DNAJC15: variants seen among roughly 807,000 people sequenced by gnomAD.
DNAJC15 encodes DnaJ heat shock protein family (Hsp40) member C15, also known as dnaJ homolog subfamily C member 15.
A neutral mutation model predicts 22.4 loss-of-function variants in DNAJC15; 27 were observed. That is an observed-to-expected ratio of 1.20 (90% confidence interval 0.89 to 1.66). DNAJC15 has a LOEUF of 1.66. DNAJC15 is among the 40% of genes most tolerant of loss of function. The probability of loss-of-function intolerance (pLI) is 0.00; values close to 1 mark genes in which losing one functional copy is unlikely to be tolerated. For missense variants in DNAJC15, 208 were observed against 187.1 expected, an observed-to-expected ratio of 1.11 and a Z score of -0.65; for synonymous variants, 79 against 63.2, an observed-to-expected ratio of 1.25 and a Z score of -1.19.
rs1158333637 is a variant in DNAJC15 at position 43,110,809 on chromosome 13, T to A, written c.*3561T>A. 1 of 152,202 alleles carries A rather than the reference T, an allele frequency of 6.6e-6. No individual in the cohort carries two copies. Among genetic ancestry groups the A allele is most frequent in the Non-Finnish European group, 1.5e-5 (1 of 68,034 alleles). The allele number at this position is 152,202 out of a possible 1,614,324, so 9.4% of individuals were successfully genotyped here. The stretch of plus-strand genomic sequence containing the variant: ...TCAGGAGTAATTATCTAAATGGCAG[T>A]AGGCTTATAAAACTGAATTTTCACC... On this transcript the variant is annotated 3_prime_UTR_variant, in exon 6 of 6. Transcript: ENST00000379221.
At chr13:43,084,727 G>A (rs1214102896) in intron 4 of DNAJC15, among the ~76,000 whole-genome samples, 1 of 152,046 alleles carries the variant, frequency 6.6e-6, no homozygotes, top group Non-Finnish European at 1.5e-5. Context: ...TTCCAATACT[G>A]GATACATTGG....
chr13:43,059,945 C>T (rs142522544), intron 1 of DNAJC15, among the ~76,000 whole-genome samples: 1 of 152,256 alleles, frequency 6.6e-6, no homozygotes, highest in East Asian at 1.9e-4. Flanking sequence ...GTACACTGAT[C>T]AGTTAGGGTG....
intron 5 of DNAJC15, among the ~76,000 whole-genome samples, chr13:43,104,397 G>A (rs773281797): frequency 1.1e-4 from 17 of 152,132 alleles, no homozygotes; most frequent in Non-Finnish European, 2.1e-4. Flanking sequence ...CAGGATCTTG[G>A]CCCTCAAGAC....
chr13:43,101,511 A>T (rs776959083), intron 5 of DNAJC15, among the ~76,000 whole-genome samples: 12 of 152,174 alleles, frequency 7.9e-5, no homozygotes, highest in Admixed American at 1.3e-4. Context: ...TGGTGCACTC[A>T]TCACCCAAGC....
In DNAJC15 at chr13:43,107,807, A is replaced by G. The variant is rs920678909; in HGVS notation, c.*559A>G. 1.3e-5 allele frequency: 2 copies of G among 152,226 alleles called. No homozygotes were observed. Among genetic ancestry groups the G allele is most frequent in the African/African-American group, 2.4e-5 (1 of 41,464 alleles). The allele number at this position is 152,226 out of a possible 1,614,324, so 9.4% of individuals were successfully genotyped here. A position where few individuals can be genotyped will look rare whatever the true frequency, so the allele number is the denominator to read the frequency against. On this transcript the variant is annotated 3_prime_UTR_variant, in exon 6 of 6. Transcript: ENST00000379221. ...TAAGGACTTGTTAAAGAACCCCACT[A>G]TCTCTGAGACCCTATAGCCAAAGCA...
At chr13:43,031,110 T>C (rs1328768540) in intron 1 of DNAJC15, among the ~76,000 whole-genome samples, 1 of 152,204 alleles carries the variant, frequency 6.6e-6, no homozygotes, top group Non-Finnish European at 1.5e-5. Context: ...TTAAATGGTG[T>C]TGCATTATGT....
chr13:43,103,974 AT>A (rs545744238), intron 5 of DNAJC15, among the ~76,000 whole-genome samples: 2 of 152,100 alleles, frequency 1.3e-5, no homozygotes, highest in East Asian at 1.9e-4. Flanking sequence ...GATAGTGTAT[AT>A]TTTTTTCTAT....
intron 1 of DNAJC15, among the ~76,000 whole-genome samples, chr13:43,050,497 G>T (rs2040497873): frequency 6.6e-6 from 1 of 151,770 alleles, no homozygotes; most frequent in Non-Finnish European, 1.5e-5. Context: ...TTCTTGTGTT[G>T]CCGAGGCTGG....
chr13:43,077,391 G>C (rs974732514), intron 3 of DNAJC15, among the ~76,000 whole-genome samples: 13 of 152,192 alleles, frequency 8.5e-5, no homozygotes, highest in African/African-American at 3.1e-4. Flanking sequence ...GGACAAGTTA[G>C]GCTTCAGTGC....
chr13:43,104,723 C>T (rs1314661389), intron 5 of DNAJC15, among the ~76,000 whole-genome samples: 12 of 150,522 alleles, frequency 8.0e-5, no homozygotes, highest in Non-Finnish European at 1.2e-4. Flanking sequence ...AGGGCCCCAC[C>T]CTGTCGTCCA....
chr13:43,046,659 G>A (rs1056817381), intron 1 of DNAJC15, among the ~76,000 whole-genome samples: 6 of 152,164 alleles, frequency 3.9e-5, no homozygotes, highest in African/African-American at 1.4e-4. Context: ...CAGAGAGTGG[G>A]CAACCCCCTT....
chr13:43,052,520 C>T (rs958455513), intron 1 of DNAJC15, among the ~76,000 whole-genome samples: 11 of 151,956 alleles, frequency 7.2e-5, no homozygotes, highest in Admixed American at 2.0e-4. Flanking sequence ...TGGGTTCAAG[C>T]GATTCTCCTG....
intron 5 of DNAJC15, among the ~76,000 whole-genome samples, chr13:43,101,853 G>C (rs1296835129): frequency 2.6e-5 from 4 of 152,080 alleles, no homozygotes; most frequent in Non-Finnish European, 5.9e-5. Flanking sequence ...ATTTAAGCTG[G>C]TTCCATATTT....
At chr13:43,100,078 G>A (rs960039746) in intron 5 of DNAJC15, among the ~76,000 whole-genome samples, 1 of 151,856 alleles carries the variant, frequency 6.6e-6, no homozygotes, top group Non-Finnish European at 1.5e-5. Flanking sequence ...GTCTCTTCTT[G>A]AGTCAGTATC....
chr13:43,080,065 G>A (rs907136212), intron 4 of DNAJC15, among the ~76,000 whole-genome samples: 10 of 151,916 alleles, frequency 6.6e-5, no homozygotes, highest in Non-Finnish European at 1.2e-4. Flanking sequence ...TTCTTTTTTT[G>A]GAAGTTTTTT....
At chr13:43,096,559 G>T (rs927518472) in intron 5 of DNAJC15, among the ~76,000 whole-genome samples, 2 of 152,144 alleles carry the variant, frequency 1.3e-5, no homozygotes, top group Non-Finnish European at 2.9e-5. Context: ...AAAATTTACT[G>T]AGTACTTAAT....
chr13:43,033,018 CAG>C (rs1430560204), intron 1 of DNAJC15, among the ~76,000 whole-genome samples: 1 of 152,096 alleles, frequency 6.6e-6, no homozygotes, highest in African/African-American at 2.4e-5. Context: ...GGGAGGAAGA[CAG>C]AGACAGGGAG....
intron 3 of DNAJC15, among the ~76,000 whole-genome samples, chr13:43,074,259 T>G (rs757945881): frequency 1.3e-5 from 2 of 152,180 alleles, no homozygotes; most frequent in Non-Finnish European, 2.9e-5. Context: ...ATACTTTGGT[T>G]TAACTTAGCA....
intron 3 of DNAJC15, among the ~76,000 whole-genome samples, chr13:43,072,766 G>A (rs1397457070): frequency 6.6e-6 from 1 of 152,142 alleles, no homozygotes; most frequent in Non-Finnish European, 1.5e-5. Flanking sequence ...GTTTCACCAT[G>A]TTGGCCAGGC....
Sources: gnomAD v4.1 joint callset for allele counts (sites outside exome capture counted in the v4.1 genomes callset) on GRCh38, gnomAD v4.1.1 for gene constraint, MANE v1.5 for transcripts, NCBI Gene and HGNC (gene_info 2026-07-23, HGNC 2026-07-21) for gene names.